The following CLSTN2 variants were observed in gnomAD, a reference collection of about 807,000 sequenced individuals.
CLSTN2 encodes calsyntenin 2, also known as calsyntenin-2.
A neutral mutation model predicts 101.2 loss-of-function variants in CLSTN2; 48 were observed. That is an observed-to-expected ratio of 0.47 (90% CI 0.38 to 0.60). The LOEUF (loss-of-function observed/expected upper bound fraction) is 0.60. Ranked by LOEUF, CLSTN2 falls within the 20% of genes least tolerant of loss-of-function variation. The probability of loss-of-function intolerance (pLI) is 0.00; values close to 1 mark genes in which losing one functional copy is unlikely to be tolerated. For missense variants in CLSTN2, 1,160 were observed against 1,238.2 expected (o/e 0.94, Z 0.95); for synonymous variants, 481 against 463.6 (o/e 1.04, Z -0.48).
intron 9 of CLSTN2, among the ~76,000 whole-genome samples, chr3:140,535,822 C>T (rs1935348122): frequency 6.6e-6 from 1 of 152,212 alleles, no homozygotes; most frequent in South Asian, 2.1e-4. Flanking sequence ...CCTCCAATGC[C>T]TATGCTCTTT....
In CLSTN2 at chr3:140,546,411, G is replaced by A. The variant is rs1351897620; in HGVS notation, c.1508-104G>A. 5.9e-6 allele frequency: 7 copies of A among 1,179,082 alleles called. No individual in the cohort carries two copies. The East Asian group carries it at 1.4e-4, about 24-fold the overall frequency. The allele number at this position is 1,179,082 out of a possible 1,614,324, so 73.0% of individuals were successfully genotyped here. ...TCAGAAGGAAAAGCTCAGGTTCAGG[G>A]GACACACAATCAAGGCGTCTTTGGC... On this transcript the variant is annotated intron_variant, in intron 9 of 16. Transcript: ENST00000458420.
At chr3:140,062,876 A>G (rs2008230626) in intron 1 of CLSTN2, among the ~76,000 whole-genome samples, 1 of 152,168 alleles carries the variant, frequency 6.6e-6, no homozygotes, top group Non-Finnish European at 1.5e-5. Context: ...AGTCTGATGA[A>G]GCCCCTATGT....
At chr3:140,131,661 T>C (rs911457571) in intron 1 of CLSTN2, among the ~76,000 whole-genome samples, 16 of 151,816 alleles carry the variant, frequency 1.1e-4, no homozygotes, top group African/African-American at 3.9e-4. Flanking sequence ...AAAATGGTAG[T>C]TGTGTGAGAG....
At chr3:140,272,724 C>T (rs948203996) in intron 2 of CLSTN2, among the ~76,000 whole-genome samples, 2 of 152,068 alleles carry the variant, frequency 1.3e-5, no homozygotes, top group Non-Finnish European at 2.9e-5. Flanking sequence ...TGCTCTCCAG[C>T]GTGGGTGACA....
chr3:140,460,849 A>G (rs566912229), intron 7 of CLSTN2, among the ~76,000 whole-genome samples: 1 of 152,340 alleles, frequency 6.6e-6, no homozygotes, highest in African/African-American at 2.4e-5. Context: ...TAACAGTAAA[A>G]AGACAATATA....
chr3:140,090,723 T>A (rs1199793074), intron 1 of CLSTN2, among the ~76,000 whole-genome samples: 1 of 152,128 alleles, frequency 6.6e-6, no homozygotes, highest in African/African-American at 2.4e-5. Context: ...TGAGGCTGAC[T>A]GATCCTTGAA....
intron 2 of CLSTN2, among the ~76,000 whole-genome samples, chr3:140,274,679 C>G (rs1430282675): frequency 6.6e-6 from 1 of 152,080 alleles, no homozygotes. Context: ...GGAAGTGTAT[C>G]TCTCTACAAG....
chr3:140,344,401 T>G (rs999674818), intron 2 of CLSTN2, among the ~76,000 whole-genome samples: 1 of 152,176 alleles, frequency 6.6e-6, no homozygotes, highest in Non-Finnish European at 1.5e-5. Context: ...CAAGTTGTAT[T>G]GCCACTCCAA....
At chr3:139,984,913 G>T (rs1310694734) in intron 1 of CLSTN2, among the ~76,000 whole-genome samples, 2 of 152,126 alleles carry the variant, frequency 1.3e-5, no homozygotes, top group South Asian at 2.1e-4. Flanking sequence ...CAGCAAATCT[G>T]TTCCTTTTTG....
chr3:140,506,152 T>C (rs1328840332), intron 8 of CLSTN2: 1 of 152,216 alleles, frequency 6.6e-6, no homozygotes, highest in African/African-American at 2.4e-5. Context: ...AATCACTCTC[T>C]GCTATTTATC....
intron 8 of CLSTN2, among the ~76,000 whole-genome samples, chr3:140,499,620 A>C (rs564883495): frequency 2.0e-5 from 3 of 152,284 alleles, no homozygotes; most frequent in Admixed American, 2.0e-4. Flanking sequence ...CTGCTCACTG[A>C]CAGAATTGCC....
chr3:140,562,895 G>A lies in CLSTN2; in HGVS notation c.2297G>A (p.Arg766His), dbSNP rs147212475. ...NWRPASLEAR[R>H]FRIKCSELNG... is the part of the protein sequence containing the mutation. ...CGTCCGGCTTCCCTTGAGGCCCGGC[G>A]TTTCCGGATTAAGTGCTCAGAACTC... The change falls in exon 14 of 17, where the codon CGT becomes CAT. Residue 766 changes from arginine (R) to histidine (H), a missense_variant. Arg to His is a conservative substitution (Grantham distance 29). Transcript: ENST00000458420. The A allele has an allele frequency of 4.2e-5, 67 of 1,614,018 alleles. No individual in the cohort carries two copies. The highest frequency in any genetic ancestry group is 2.7e-4 in the South Asian group (25 of 91,088).
intron 2 of CLSTN2, among the ~76,000 whole-genome samples, chr3:140,195,442 T>A (rs2010630608): frequency 6.6e-6 from 1 of 152,142 alleles, no homozygotes; most frequent in Non-Finnish European, 1.5e-5. Context: ...AGAATCTTCT[T>A]GTGTTTGTTT....
chr3:140,372,360 A>C (rs751045193), intron 2 of CLSTN2, among the ~76,000 whole-genome samples: 1 of 152,098 alleles, frequency 6.6e-6, no homozygotes, highest in Non-Finnish European at 1.5e-5. Flanking sequence ...GCCTTTGCTC[A>C]TGTTGTTTAT....
chr3:140,327,863 T>C (rs2087346575), intron 2 of CLSTN2, among the ~76,000 whole-genome samples: 1 of 152,228 alleles, frequency 6.6e-6, no homozygotes, highest in Non-Finnish European at 1.5e-5. Context: ...TCAGATATAC[T>C]TAGCGATAGG....
chr3:140,026,638 C>T (rs1262253102), intron 1 of CLSTN2, among the ~76,000 whole-genome samples: 1 of 152,186 alleles, frequency 6.6e-6, no homozygotes, highest in Non-Finnish European at 1.5e-5. Flanking sequence ...GGGATCTTGG[C>T]CTCAGATGGC....
chr3:140,408,824 C>T (rs1439835212), intron 4 of CLSTN2, among the ~76,000 whole-genome samples: 2 of 152,230 alleles, frequency 1.3e-5, no homozygotes, highest in African/African-American at 2.4e-5. Context: ...TGGTTAACCC[C>T]TTTGCTGTGT....
intron 1 of CLSTN2, among the ~76,000 whole-genome samples, chr3:140,139,089 A>T (rs1354758289): frequency 6.6e-6 from 1 of 152,196 alleles, no homozygotes; most frequent in East Asian, 1.9e-4. Flanking sequence ...GCTAAAAATG[A>T]GGGATGATGT....
chr3:140,520,440 C>A (rs929426379), intron 8 of CLSTN2, among the ~76,000 whole-genome samples: 1 of 152,300 alleles, frequency 6.6e-6, no homozygotes, highest in South Asian at 2.1e-4. Context: ...AGGGCAGAGT[C>A]AGTGCAGGCA....
Sources: gnomAD v4.1 joint callset for allele counts (sites outside exome capture counted in the v4.1 genomes callset) on GRCh38, gnomAD v4.1.1 for gene constraint, MANE v1.5 for transcripts, NCBI Gene and HGNC (gene_info 2026-07-23, HGNC 2026-07-21) for gene names.